UTS2: variants seen among roughly 807,000 people sequenced by gnomAD.
UTS2 encodes the protein urotensin 2.
Under a neutral mutation model 12.6 loss-of-function variants are expected in UTS2, and 10 were observed. The ratio of observed to expected loss-of-function variants is 0.80; its 90% CI spans 0.49 to 1.35. The LOEUF (loss-of-function observed/expected upper bound fraction) is 1.35, where lower values mean the gene tolerates loss of function less well. UTS2 is among the 40% of genes most tolerant of loss of function. UTS2 has a pLI of 0.00. For missense variants in UTS2, 142 were observed against 143.2 expected (o/e 0.99, Z 0.04); for synonymous variants, 52 against 50.0 (o/e 1.04, Z -0.17).
chr1:7,895,718 C>G, the UTS2 span, among the ~76,000 whole-genome samples: 1 of 152,186 alleles, frequency 6.6e-6, no homozygotes, highest in South Asian at 2.1e-4. Flanking sequence ...TCAGGAATTT[C>G]ATTTTGTAAC....
the UTS2 span, among the ~76,000 whole-genome samples, chr1:7,906,455 GAAAGAAAGAA>G: frequency 7.4e-5 from 7 of 94,508 alleles, no homozygotes; most frequent in Non-Finnish European, 1.2e-4. Flanking sequence ...AAAAGAGAAA[GAAAGAAAGAA>G]AGAAAGAAAG....
At chr1:7,862,074 G>A in the UTS2 span, among the ~76,000 whole-genome samples, 4 of 151,826 alleles carry the variant, frequency 2.6e-5, no homozygotes, top group East Asian at 1.9e-4. Flanking sequence ...CACCACGCCC[G>A]GCTAATTCTT....
intron 3 of UTS2, among the ~76,000 whole-genome samples, chr1:7,848,188 C>T (rs923120953): frequency 6.6e-6 from 1 of 152,124 alleles, no homozygotes; most frequent in Non-Finnish European, 1.5e-5. Context: ...TGGCTCATGC[C>T]TATAATCCTA....
At chr1:7,887,710 G>A in the UTS2 span, among the ~76,000 whole-genome samples, 35 of 150,780 alleles carry the variant, frequency 2.3e-4, no homozygotes, top group Admixed American at 6.6e-4. Flanking sequence ...CGGAGGTTGC[G>A]GTGACCCACC....
At chr1:7,909,169 C>T in the UTS2 span, among the ~76,000 whole-genome samples, 1,448 of 152,192 alleles carry the variant, frequency 9.5e-3, 21 homozygotes, top group African/African-American at 0.033. Context: ...CCAGGACACA[C>T]GGGGATTATG....
chr1:7,850,665 C>T (rs370375558), intron 2 of UTS2, 147 bp downstream of exon 2: 5 of 738,842 alleles, frequency 6.8e-6, no homozygotes, highest in African/African-American at 5.3e-5. Flanking sequence ...GTTGCACAGG[C>T]CGGGAGGGGA....
At chr1:7,891,567 A>AGAAAGAAAGAAG in the UTS2 span, among the ~76,000 whole-genome samples, 1 of 151,358 alleles carries the variant, frequency 6.6e-6, no homozygotes, top group South Asian at 2.1e-4. Context: ...AAAGAAAGAA[A>AGAAAGAAAGAAG]GAAAGAAAGA....
At chr1:7,885,502 C>G in the UTS2 span, among the ~76,000 whole-genome samples, 3 of 152,134 alleles carry the variant, frequency 2.0e-5, no homozygotes, top group Non-Finnish European at 4.4e-5. Flanking sequence ...AACCGCGACT[C>G]GGGATCCTTA....
rs534405749 is a variant in UTS2 at position 7,851,539 on chromosome 1, C to T, written c.104-617G>A. 5.3e-5 allele frequency among the ~76,000 whole-genome samples: 8 copies of T among 152,116 alleles called. No individual in the cohort carries two copies. In the South Asian group the frequency reaches 1.5e-3, roughly 28 times the overall value. On this transcript the variant is annotated intron_variant, in intron 1 of 3. Coordinates refer to ENST00000361696, the MANE Select transcript of UTS2 (RefSeq NM_006786.4). ...CTTAAGGTGTGTGGAAAGGGCACACCGGAGTGTGAGGCGTGGTAAGTGCAG... is the reference window on the plus strand; with the variant it reads ...CTTAAGGTGTGTGGAAAGGGCACACTGGAGTGTGAGGCGTGGTAAGTGCAG...
intron 3 of UTS2, among the ~76,000 whole-genome samples, chr1:7,848,364 GGGAGGT>G (rs1467227029): frequency 1.3e-5 from 2 of 151,968 alleles, no homozygotes; most frequent in East Asian, 1.9e-4. Flanking sequence ...GCTTGAACCT[GGGAGGT>G]GGATGTTGCA....
chr1:7,867,749 G>A, the UTS2 span, among the ~76,000 whole-genome samples: 11 of 152,116 alleles, frequency 7.2e-5, no homozygotes, highest in South Asian at 2.1e-4. Context: ...GGTGGTGGGT[G>A]CCTGTAATCC....
At chr1:7,847,923 GAT>G in intron 3 of UTS2, 41 bp from the exon 4 acceptor site, 2 of 1,384,040 alleles carry the variant, frequency 1.4e-6, no homozygotes, top group Non-Finnish European at 2.0e-6. Flanking sequence ...AAAAAAAACA[GAT>G]AAGTTACCAA....
At chr1:7,872,079 A>G in the UTS2 span, among the ~76,000 whole-genome samples, 1 of 152,050 alleles carries the variant, frequency 6.6e-6, no homozygotes, top group African/African-American at 2.4e-5. Context: ...AGGCGGGTGG[A>G]TCATGAGGTC....
the UTS2 span, among the ~76,000 whole-genome samples, chr1:7,876,620 G>C: frequency 6.6e-6 from 1 of 151,908 alleles, no homozygotes; most frequent in Admixed American, 6.6e-5. Context: ...ACCATCCAGG[G>C]GCCCAAGGAC....
chr1:7,902,251 T>C, the UTS2 span, among the ~76,000 whole-genome samples: 18,381 of 152,128 alleles, frequency 0.12, 2,471 homozygotes, highest in East Asian at 0.56. Flanking sequence ...TTTGTCCTGA[T>C]GGGACCACCC....
At chr1:7,880,958 G>T in the UTS2 span, among the ~76,000 whole-genome samples, 1 of 152,196 alleles carries the variant, frequency 6.6e-6, no homozygotes, top group East Asian at 1.9e-4. Flanking sequence ...TCATGAGCAA[G>T]TGGGATTTAG....
the UTS2 span, among the ~76,000 whole-genome samples, chr1:7,861,653 C>G: frequency 3.9e-5 from 6 of 152,164 alleles, no homozygotes; most frequent in Non-Finnish European, 8.8e-5. Flanking sequence ...GTGGCAGAGC[C>G]GAGCCTGGCC....
the UTS2 span, among the ~76,000 whole-genome samples, chr1:7,900,571 G>T: frequency 6.6e-6 from 1 of 151,862 alleles, no homozygotes; most frequent in Non-Finnish European, 1.5e-5. Context: ...GAGGTCAGGA[G>T]TTCGAGACTG....
At chr1:7,899,331 C>T in the UTS2 span, among the ~76,000 whole-genome samples, 2,765 of 152,286 alleles carry the variant, frequency 0.018, 87 homozygotes, top group African/African-American at 0.063. Context: ...GACCCTACAG[C>T]GATCGTGACC....
Sources: allele counts gnomAD v4.1 joint callset (sites outside exome capture counted in the v4.1 genomes callset), GRCh38; gene constraint gnomAD v4.1.1; transcripts MANE v1.5; gene names NCBI Gene and HGNC (gene_info 2026-07-23, HGNC 2026-07-21).